VAC14: variants seen among roughly 807,000 people sequenced by gnomAD.
VAC14 encodes protein VAC14 homolog.
Under a neutral mutation model 85.3 loss-of-function variants are expected in VAC14, and 47 were observed. The observed-to-expected ratio is 0.55, with a 90% CI of 0.44 to 0.70. VAC14 has a LOEUF of 0.70. Among genes scored for constraint, VAC14 ranks in the 30% least tolerant of loss-of-function variants. The pLI is 0.00. For synonymous variants in VAC14, 447 were observed against 430.5 expected (o/e 1.04, Z -0.47); for missense variants, 861 against 1,004.3 (o/e 0.86, Z 1.93).
rs185393886 is a variant in VAC14, at chr16:70,769,530, A to C, written c.1160+2579T>G. 16 of 152,352 alleles carry C rather than the reference A, an allele frequency of 1.1e-4. No individual in the cohort carries two copies. The East Asian group carries it at 3.1e-3, about 29-fold the overall frequency. 9.4% of individuals were successfully genotyped at this position (152,352 alleles called of 1,614,324 possible). On this transcript the variant is annotated intron_variant, in intron 10 of 18. Coordinates refer to ENST00000261776, the MANE Select transcript of VAC14 (RefSeq NM_018052.5). ...GCACAGCTGGTGACACTGACTGTGC[A>C]GCTGCCACGTGGGGATCTCTGTCAC... is the stretch of plus-strand genomic sequence containing the variant.
intron 14 of VAC14, among the ~76,000 whole-genome samples, chr16:70,705,997 C>T (rs2053913587): frequency 6.6e-6 from 1 of 152,204 alleles, no homozygotes; most frequent in African/African-American, 2.4e-5. Flanking sequence ...TGCCCAACCA[C>T]CCCAAGAACC....
At position 70,783,014 on chromosome 16, in the gene VAC14, G is replaced by T. The variant is rs1251678357; in HGVS notation, c.811+19C>A. 3 of 1,609,224 alleles carry T rather than the reference G, an allele frequency of 1.9e-6. No homozygotes were observed. Among genetic ancestry groups the T allele is most frequent in the Non-Finnish European group, 2.5e-6 (3 of 1,177,044 alleles). ...GCAGCAGTGGCAGCCGTGGCTGTGGGCCCTCCCCCAATACTCACCTGTTGT... is the reference window on the plus strand; with the variant it reads ...GCAGCAGTGGCAGCCGTGGCTGTGGTCCCTCCCCCAATACTCACCTGTTGT... On this transcript the variant is annotated intron_variant, in intron 7 of 18. Coordinates refer to ENST00000261776, the MANE Select transcript of VAC14 (RefSeq NM_018052.5).
intron 13 of VAC14, among the ~76,000 whole-genome samples, chr16:70,738,927 GA>G: frequency 6.6e-6 from 1 of 152,182 alleles, no homozygotes; most frequent in Admixed American, 6.5e-5. Context: ...AGCCAGGAGG[GA>G]ACAGATGTGA....
At chr16:70,701,270 T>C (rs1487036311) in intron 14 of VAC14, among the ~76,000 whole-genome samples, 3 of 152,154 alleles carry the variant, frequency 2.0e-5, no homozygotes, top group Non-Finnish European at 4.4e-5. Flanking sequence ...TGCTGGGCTC[T>C]AGATGGAACA....
chr16:70,744,305 C>T (rs965624098), intron 13 of VAC14, 118 bp downstream of exon 13: 2 of 1,416,632 alleles, frequency 1.4e-6, no homozygotes, highest in African/African-American at 2.9e-5. Context: ...AGACCCCTCA[C>T]ACCCTGGCAG....
At chr16:70,704,101 G>A (rs1006831319) in intron 14 of VAC14, among the ~76,000 whole-genome samples, 4 of 152,260 alleles carry the variant, frequency 2.6e-5, no homozygotes, top group African/African-American at 7.2e-5. Flanking sequence ...GCAGGCCTCT[G>A]TGGGAGATGC....
intron 14 of VAC14, among the ~76,000 whole-genome samples, chr16:70,720,602 C>T (rs2054265886): frequency 6.6e-6 from 1 of 152,234 alleles, no homozygotes. Context: ...ACTGTTCTTC[C>T]TTCAGAGGGA....
chr16:70,760,899 G>T (rs909330027), intron 12 of VAC14, among the ~76,000 whole-genome samples: 1 of 150,856 alleles, frequency 6.6e-6, no homozygotes, highest in Non-Finnish European at 1.5e-5. Context: ...CTCCCAACTC[G>T]CAGGCAGAAC....
intron 14 of VAC14, among the ~76,000 whole-genome samples, chr16:70,703,658 C>A (rs1252491689): frequency 6.6e-6 from 1 of 152,300 alleles, no homozygotes; most frequent in East Asian, 1.9e-4. Context: ...CTGCTGGCTG[C>A]CGCCTGGACA....
At chr16:70,720,040 G>A (rs769724433) in intron 14 of VAC14, among the ~76,000 whole-genome samples, 3 of 152,112 alleles carry the variant, frequency 2.0e-5, no homozygotes, top group South Asian at 2.1e-4. Flanking sequence ...CAACACAGAC[G>A]AATCTCACAA....
At chr16:70,741,652 G>C (rs1247213791) in intron 13 of VAC14, among the ~76,000 whole-genome samples, 1 of 152,226 alleles carries the variant, frequency 6.6e-6, no homozygotes, top group Non-Finnish European at 1.5e-5. Flanking sequence ...CAAGAAGTGT[G>C]ACTGGCTGCA....
intron 13 of VAC14, among the ~76,000 whole-genome samples, chr16:70,736,996 G>A (rs963052585): frequency 6.6e-6 from 1 of 152,056 alleles, no homozygotes. Flanking sequence ...GGCCCCCATC[G>A]CCCCCAGCCA....
rs953964706 is a variant in VAC14, at chr16:70,781,020, G to C, written c.947-81C>G. The stretch of plus-strand genomic sequence containing the variant: ...CTCTTGCTGAAATGTGATTCCCAGT[G>C]TTGGAGGTGGGGCCTGGTGGGAGGG... On this transcript the variant is annotated intron_variant, in intron 8 of 18. Transcript: ENST00000261776. The C allele has an allele frequency of 1.0e-5, 16 of 1,573,694 alleles. No homozygotes were observed. The African/African-American group carries it at 2.0e-4, about 20-fold the overall frequency.
intron 13 of VAC14, among the ~76,000 whole-genome samples, chr16:70,740,565 T>C (rs2143008821): frequency 6.6e-6 from 1 of 152,292 alleles, no homozygotes; most frequent in Non-Finnish European, 1.5e-5. Flanking sequence ...CCCACAGGCC[T>C]GTCTGACATC....
chr16:70,768,760 T>C (rs1193210434), intron 10 of VAC14: 4 of 451,238 alleles, frequency 8.9e-6, no homozygotes, highest in Non-Finnish European at 1.3e-5. Context: ...ATGGTGATCC[T>C]TGAACCCCTG....
At chr16:70,759,546 T>C (rs1317075752) in intron 12 of VAC14, among the ~76,000 whole-genome samples, 2 of 152,176 alleles carry the variant, frequency 1.3e-5, no homozygotes, top group African/African-American at 2.4e-5. Flanking sequence ...GAGGACTGCT[T>C]GAACCCCGGA....
At chr16:70,730,096 C>A (rs954266859) in intron 14 of VAC14, among the ~76,000 whole-genome samples, 3 of 152,002 alleles carry the variant, frequency 2.0e-5, no homozygotes, top group African/African-American at 7.3e-5. Context: ...TCTCCCCTCA[C>A]TCTCTCCACA....
chr16:70,760,390 C>G (rs868700368), intron 12 of VAC14, among the ~76,000 whole-genome samples: 2 of 152,138 alleles, frequency 1.3e-5, no homozygotes, highest in Non-Finnish European at 1.5e-5. Context: ...ACAGCACACC[C>G]TCAGGCTCAC....
chr16:70,774,906 C>T (rs767029534), intron 9 of VAC14, among the ~76,000 whole-genome samples: 86 of 152,048 alleles, frequency 5.7e-4, no homozygotes, highest in East Asian at 7.7e-4. Context: ...CCACCATGCC[C>T]GGCTAATTTT....
Sources: gnomAD v4.1 joint callset for allele counts (sites outside exome capture counted in the v4.1 genomes callset) on GRCh38, gnomAD v4.1.1 for gene constraint, MANE v1.5 for transcripts, NCBI Gene and HGNC (gene_info 2026-07-23, HGNC 2026-07-21) for gene names.